Variants in ZNF423 observed in about 807,000 individuals in gnomAD.
The protein encoded by ZNF423 is Ebf-associated zinc finger protein.
A neutral mutation model predicts 95.8 loss-of-function variants in ZNF423; 12 were observed. The ratio of observed to expected loss-of-function variants is 0.13; its 90% CI spans 0.08 to 0.20. ZNF423 has a LOEUF of 0.20. ZNF423 is among the 10% of genes least tolerant of loss of function. ZNF423 has a pLI of 1.00. For synonymous variants in ZNF423, 749 were observed against 711.9 expected, an observed-to-expected ratio of 1.05 and a Z score of -0.83; for missense variants, 1,316 against 1,737.1, an observed-to-expected ratio of 0.76 and a Z score of 4.31.
chr16:49,635,822 G>C lies in ZNF423; in HGVS notation c.3354C>G (p.Pro1118=), dbSNP rs759709043. 1.2e-6 allele frequency: 2 copies of C among 1,608,704 alleles called. No individual in the cohort carries two copies. The highest frequency in any genetic ancestry group is 8.5e-7 in the Non-Finnish European group (1 of 1,178,080). ...ANGQVGGLAP[P]EPADRPCAGL... is the part of the protein sequence containing the mutation. Reference sequence around the variant, plus strand: ...CGGCACAGGGCCGGTCGGCGGGCTCGGGCGGGGCCAGGCCACCCACCTGTC... The same window carrying C: ...CGGCACAGGGCCGGTCGGCGGGCTCCGGCGGGGCCAGGCCACCCACCTGTC... The change falls in exon 4 of 8, where the codon CCC becomes CCG. Residue 1118 remains proline, a synonymous_variant. Coordinates refer to ENST00000563137, the MANE Select transcript of ZNF423 (RefSeq NM_001379286.1). The surrounding 1 kb of genome is among the most constrained non-coding windows in gnomAD (Gnocchi z 4.8).
At chr16:49,625,368 A>G (rs1032757100) in intron 5 of ZNF423, among the ~76,000 whole-genome samples, 15 of 152,196 alleles carry the variant, frequency 9.9e-5, no homozygotes, top group Non-Finnish European at 2.2e-4. Flanking sequence ...AAAAATTAAC[A>G]AAAAGATGAA....
chr16:49,729,874 T>C (rs2033119172), intron 3 of ZNF423, among the ~76,000 whole-genome samples: 1 of 152,082 alleles, frequency 6.6e-6, no homozygotes, highest in African/African-American at 2.4e-5. Context: ...CCAGTAAATG[T>C]TCCCCTCAAC....
At chr16:49,797,814 A>G (rs2034522229) in intron 1 of ZNF423, among the ~76,000 whole-genome samples, 1 of 152,200 alleles carries the variant, frequency 6.6e-6, no homozygotes, top group East Asian at 1.9e-4. Flanking sequence ...AGTGAAAGGG[A>G]CAGGACCCTC....
intron 1 of ZNF423, among the ~76,000 whole-genome samples, chr16:49,849,587 T>C (rs1413499119): frequency 6.6e-6 from 1 of 152,168 alleles, no homozygotes; most frequent in Non-Finnish European, 1.5e-5. Flanking sequence ...TGCCTTTGAA[T>C]TTGACTTGTC....
At chr16:49,694,523 A>C (rs1168766546) in intron 3 of ZNF423, among the ~76,000 whole-genome samples, 1 of 152,216 alleles carries the variant, frequency 6.6e-6, no homozygotes, top group Non-Finnish European at 1.5e-5. Flanking sequence ...GCTCATCTGC[A>C]AGCAGGGATT....
In ZNF423 at chr16:49,759,588, C is replaced by T. The variant is rs79393407; in HGVS notation, c.101-28617G>A. ...AGCAGCACATACTCATGAAAGTTCTCAGCCAGGAGTGCGCTTTGCAGGGCA... is the reference window on the plus strand; with the variant it reads ...AGCAGCACATACTCATGAAAGTTCTTAGCCAGGAGTGCGCTTTGCAGGGCA... On this transcript the variant is annotated intron_variant, in intron 2 of 7. Transcript: ENST00000563137. Among the ~76,000 whole-genome samples, 25 of 152,336 alleles carry T rather than the reference C, an allele frequency of 1.6e-4. No homozygotes were observed. The East Asian group carries it at 4.8e-3, about 29-fold the overall frequency.
chr16:49,747,631 T>G (rs1383623148), intron 2 of ZNF423, among the ~76,000 whole-genome samples: 3 of 148,800 alleles, frequency 2.0e-5, no homozygotes, highest in Non-Finnish European at 4.4e-5. Flanking sequence ...CGTTATTCTC[T>G]TCTGTTTATC....
At chr16:49,778,214 T>C (rs2034152316) in intron 2 of ZNF423, among the ~76,000 whole-genome samples, 1 of 152,214 alleles carries the variant, frequency 6.6e-6, no homozygotes, top group Non-Finnish European at 1.5e-5. Flanking sequence ...TGTGCGTGTG[T>C]GTGCACCTGC....
intron 3 of ZNF423, among the ~76,000 whole-genome samples, chr16:49,720,104 C>G (rs1048648076): frequency 5.3e-5 from 8 of 152,264 alleles, no homozygotes; most frequent in Admixed American, 4.6e-4. Context: ...AGCACTGCCC[C>G]CAAAGGACCA....
chr16:49,674,329 G>GGT (rs144604219), intron 3 of ZNF423, among the ~76,000 whole-genome samples: 15 of 152,088 alleles, frequency 9.9e-5, no homozygotes, highest in African/African-American at 3.4e-4. Context: ...AGGGATTTGT[G>GGT]GTGTGTGTGT....
Position 49,574,043 on chromosome 16 carries a change from G to A in ZNF423, c.3602-48549C>T, listed in dbSNP as rs868464451. On this transcript the variant is annotated intron_variant, in intron 5 of 7. Transcript: ENST00000563137. ...TTGCCAGGTGATCTTTAAGGAAAGT[G>A]GTTCTCAAACTTTAGTGAATCAGAA... Among the ~76,000 whole-genome samples the A allele has an allele frequency of 5.3e-5, 8 of 152,292 alleles. No homozygotes were observed. The South Asian group carries it at 1.7e-3, about 32-fold the overall frequency.
chr16:49,684,070 C>T (rs1014098788), intron 3 of ZNF423, among the ~76,000 whole-genome samples: 11 of 151,990 alleles, frequency 7.2e-5, no homozygotes, highest in African/African-American at 2.4e-4. Context: ...GATCTGGTCT[C>T]AAAAAATTAA....
At chr16:49,731,816 A>G (rs1047331356) in intron 2 of ZNF423, among the ~76,000 whole-genome samples, 3 of 152,146 alleles carry the variant, frequency 2.0e-5, no homozygotes, top group Non-Finnish European at 4.4e-5. Flanking sequence ...AAAATATAAA[A>G]TAAAATAAAT....
intron 1 of ZNF423, among the ~76,000 whole-genome samples, chr16:49,834,153 A>T (rs2035091779): frequency 6.6e-6 from 1 of 152,068 alleles, no homozygotes; most frequent in South Asian, 2.1e-4. Flanking sequence ...GCGAAGAAAA[A>T]TCATCTCATC....
intron 1 of ZNF423, among the ~76,000 whole-genome samples, chr16:49,824,911 C>T (rs1175360047): frequency 6.6e-6 from 1 of 152,182 alleles, no homozygotes; most frequent in Non-Finnish European, 1.5e-5. Flanking sequence ...GCAAAAGAAA[C>T]TCGTGGGCTG....
intron 5 of ZNF423, among the ~76,000 whole-genome samples, chr16:49,594,754 C>T (rs899788499): frequency 6.6e-6 from 1 of 152,112 alleles, no homozygotes; most frequent in African/African-American, 2.4e-5. Flanking sequence ...GATGGACAGG[C>T]GCAAATATAA....
intron 2 of ZNF423, among the ~76,000 whole-genome samples, chr16:49,732,292 T>C (rs1395268996): frequency 6.6e-6 from 1 of 152,222 alleles, no homozygotes; most frequent in Non-Finnish European, 1.5e-5. Context: ...CAGGAACTTG[T>C]AAATCAAAGT....
chr16:49,858,717 G>GCCCCCC (rs35734564), upstream of ZNF423, among the ~76,000 whole-genome samples: 8 of 132,798 alleles, frequency 6.0e-5, no homozygotes, highest in Admixed American at 1.4e-4. The surrounding 1 kb of genome is among the most constrained non-coding windows in gnomAD (Gnocchi z 4.3). Flanking sequence ...GGGAATAGGA[G>GCCCCCC]CCCCCCCCCC....
chr16:49,743,289 G>A lies in ZNF423; in HGVS notation c.101-12318C>T, dbSNP rs148537979. On this transcript the variant is annotated intron_variant, in intron 2 of 7. Coordinates refer to ENST00000563137, the MANE Select transcript of ZNF423 (RefSeq NM_001379286.1). ...TGAATCTGCACCCCCACAGGGTCAGGCCTCCCCTGTGAGCTCTGGGAGCTC... is the reference window on the plus strand; with the variant it reads ...TGAATCTGCACCCCCACAGGGTCAGACCTCCCCTGTGAGCTCTGGGAGCTC... 3.8e-3 allele frequency among the ~76,000 whole-genome samples: 580 copies of A among 152,252 alleles called. 6 individuals are homozygous for A. Among genetic ancestry groups the A allele is most frequent in the African/African-American group, 0.013 (547 of 41,532 alleles).
Sources: allele counts gnomAD v4.1 joint callset (sites outside exome capture counted in the v4.1 genomes callset), GRCh38; gene constraint gnomAD v4.1.1; non-coding constraint Gnocchi (gnomAD v3.1); transcripts MANE v1.5; gene names NCBI Gene and HGNC (gene_info 2026-07-23, HGNC 2026-07-21).